Variants in NUP153 observed in about 807,000 individuals in gnomAD.
The protein encoded by NUP153 is nuclear pore complex protein Nup153.
A neutral mutation model predicts 134.6 loss-of-function variants in NUP153; 27 were observed. The observed-to-expected ratio is 0.20, with a 90% confidence interval of 0.15 to 0.28. The LOEUF (loss-of-function observed/expected upper bound fraction) is 0.28. Among genes scored for constraint, NUP153 ranks in the 10% least tolerant of loss-of-function variants. The pLI is 1.00. For synonymous variants in NUP153, 640 were observed against 623.5 expected, an observed-to-expected ratio of 1.03 and a Z score of -0.40; for missense variants, 1,821 against 1,731.3, an observed-to-expected ratio of 1.05 and a Z score of -0.92.
At chr6:17,705,789 GC>G (rs1335222946) in intron 1 of NUP153, among the ~76,000 whole-genome samples, 1 of 151,304 alleles carries the variant, frequency 6.6e-6, no homozygotes, top group Non-Finnish European at 1.5e-5. Context: ...ATGTAACAGC[GC>G]CCCCCACAAC....
intron 9 of NUP153, among the ~76,000 whole-genome samples, chr6:17,662,409 A>T (rs1033979597): frequency 1.3e-5 from 2 of 152,208 alleles, no homozygotes; most frequent in African/African-American, 4.8e-5. Flanking sequence ...TTCCTTTCGA[A>T]ATAGCTCCCT....
intron 20 of NUP153, among the ~76,000 whole-genome samples, 190 bp downstream of exon 20, chr6:17,624,370 TA>T (rs1412489006): frequency 8.5e-5 from 13 of 152,210 alleles, no homozygotes; most frequent in Non-Finnish European, 2.9e-5. Flanking sequence ...ATTACTACCT[TA>T]AAAAAGTTAC....
At chr6:17,622,357 T>C (rs577439670) in intron 20 of NUP153, among the ~76,000 whole-genome samples, 1 of 152,290 alleles carries the variant, frequency 6.6e-6, no homozygotes, top group East Asian at 1.9e-4. Flanking sequence ...CCCAGTTTCT[T>C]GGCAGGCTCA....
At position 17,674,925 on chromosome 6, in the gene NUP153, G is replaced by A. The variant is rs1561895150; in HGVS notation, c.832C>T (p.Leu278=). Residue 278 remains leucine, a synonymous_variant, in exon 5 of 22, where the codon CTA becomes TTA. Transcript: ENST00000262077. ...GAAAAVRQSK[L]RNTPYQAPVR... is the part of the protein sequence containing the mutation. ...CCTACCTGATAAGGTGTATTTCGTA[G>A]TTTAGACTGTCTTACAGCAGCTGCT... The A allele has an allele frequency of 6.2e-7, 1 of 1,612,268 alleles. No individual in the cohort carries two copies. Among genetic ancestry groups the A allele is most frequent in the Non-Finnish European group, 8.5e-7 (1 of 1,179,280 alleles).
intron 17 of NUP153, among the ~76,000 whole-genome samples, chr6:17,632,072 C>T: frequency 6.6e-6 from 1 of 152,128 alleles, no homozygotes; most frequent in East Asian, 1.9e-4. Flanking sequence ...TTTCCTGGGA[C>T]CTACTTTGGG....
intron 11 of NUP153, chr6:17,651,812 G>T: frequency 1.7e-6 from 1 of 577,894 alleles, no homozygotes; most frequent in Non-Finnish European, 3.3e-6. Context: ...CAAAAATTGA[G>T]GTTAGGCATG....
At chr6:17,665,646 C>T (rs1015051681) in intron 8 of NUP153, among the ~76,000 whole-genome samples, 1 of 151,988 alleles carries the variant, frequency 6.6e-6, no homozygotes, top group Non-Finnish European at 1.5e-5. Context: ...GACTTAATGA[C>T]TTTTCACACA....
chr6:17,662,251 TTATA>T (rs1767235773), intron 9 of NUP153, 181 bp from the exon 10 acceptor site: 1 of 158,226 alleles, frequency 6.3e-6, no homozygotes, highest in East Asian at 1.9e-4. Context: ...TACAGTGAGA[TTATA>T]TATATGAAAA....
intron 2 of NUP153, among the ~76,000 whole-genome samples, chr6:17,685,500 G>A (rs1291738291): frequency 1.4e-5 from 2 of 147,722 alleles, no homozygotes; most frequent in Non-Finnish European, 3.0e-5. Flanking sequence ...AATGAGCCGA[G>A]ATCGAGCCAC....
chr6:17,703,992 C>T (rs1396157163), intron 1 of NUP153, among the ~76,000 whole-genome samples: 2 of 152,148 alleles, frequency 1.3e-5, no homozygotes, highest in Non-Finnish European at 2.9e-5. Context: ...TATCTAAGTA[C>T]ATTTAAGCTG....
rs751113540 is a variant in NUP153, at chr6:17,629,372, T to C, written c.2827A>G (p.Ile943Val). The change falls in exon 18 of 22, where the codon ATA becomes GTA. Residue 943 changes from isoleucine to valine, a missense_variant. Physicochemically the swap from Ile to Val is conservative, Grantham distance 29 (BLOSUM62 3). Coordinates refer to ENST00000262077, the MANE Select transcript of NUP153 (RefSeq NM_005124.4). ...KIGVSSDSGS[I>V]NPMSEGFKFS... ...TTAAAGCCTTCACTCATGGGGTTTA[T>C]AGACCCAGAATCGGATGACACACCT... The C allele has an allele frequency of 8.7e-6, 14 of 1,613,590 alleles. No homozygotes were observed. The highest frequency in any genetic ancestry group is 1.3e-5 in the African/African-American group (1 of 74,908).
At chr6:17,691,462 T>C (rs1489584233) in intron 1 of NUP153, among the ~76,000 whole-genome samples, 1 of 152,154 alleles carries the variant, frequency 6.6e-6, no homozygotes, top group Non-Finnish European at 1.5e-5. Context: ...AAAGCTATAA[T>C]ACAGTTTAAG....
intron 15 of NUP153, among the ~76,000 whole-genome samples, 183 bp downstream of exon 15, chr6:17,639,756 T>C (rs531826883): frequency 6.6e-6 from 1 of 152,362 alleles, no homozygotes; most frequent in South Asian, 2.1e-4. Context: ...CATTTTAGTA[T>C]AGAGTCCTTT....
chr6:17,701,541 A>T (rs1307589829), intron 1 of NUP153, among the ~76,000 whole-genome samples: 1 of 151,522 alleles, frequency 6.6e-6, no homozygotes, highest in African/African-American at 2.4e-5. Flanking sequence ...ACGTGCCTGT[A>T]GTCCCAGCTA....
At position 17,675,349 on chromosome 6, in the gene NUP153, G is replaced by C; in HGVS notation, c.603C>G (p.Asn201Lys). The C allele has an allele frequency of 6.2e-7, 1 of 1,613,732 alleles. No homozygotes were observed. Among genetic ancestry groups the C allele is most frequent in the Non-Finnish European group, 8.5e-7 (1 of 1,179,884 alleles). The change falls in exon 4 of 22, where the codon AAC (asparagine) becomes AAG (lysine). Residue 201 changes from asparagine (N) to lysine (K), a missense_variant. Transcript: ENST00000262077. The surrounding 1 kb of genome is among the most constrained non-coding windows in gnomAD (Gnocchi z 4.4). The stretch of plus-strand genomic sequence containing the variant: ...GGGACCACAGAGGTGGCAATGAAGT[G>C]TTCTTTGAAACAGTTATATCTGAAA... ...ASDKDITVSK[N>K]TSLPPLWSPE...
Position 17,637,330 on chromosome 6 carries a change from C to T in NUP153, c.2287G>A (p.Val763Ile), listed in dbSNP as rs1201068924. The change falls in exon 16 of 22, where the codon GTT becomes ATT. Residue 763 changes from valine (V) to isoleucine (I), a missense_variant. By Grantham distance (29) the Val-to-Ile change is conservative. Coordinates refer to ENST00000262077, the MANE Select transcript of NUP153 (RefSeq NM_005124.4). Reference sequence around the variant, plus strand: ...GTCATAGTCTCAGCACTTTCCGAAACCACTGTCAATGTAAGGGCTCGCTTC... The same window carrying T: ...GTCATAGTCTCAGCACTTTCCGAAATCACTGTCAATGTAAGGGCTCGCTTC... ...CVKRALTLTV[V>I]SESAETMTAS... 6.2e-7 allele frequency: 1 copy of T among 1,614,072 alleles called. No individual in the cohort carries two copies. Among genetic ancestry groups the T allele is most frequent in the Non-Finnish European group, 8.5e-7 (1 of 1,180,058 alleles).
chr6:17,637,294 A>G lies in NUP153; in HGVS notation c.2323T>C (p.Ser775Pro). The G allele has an allele frequency of 6.2e-7, 1 of 1,614,230 alleles. No homozygotes were observed. Among genetic ancestry groups the G allele is most frequent in the Non-Finnish European group, 8.5e-7 (1 of 1,180,046 alleles). ...ESAETMTASSSSCTVTTGTLG... is the reference protein window; with the variant it reads ...ESAETMTASSPSCTVTTGTLG... Reference sequence around the variant, plus strand: ...GTACCAGTGGTTACAGTGCAGCTGGAAGATGAAGCAGTCATAGTCTCAGCA... The same window carrying G: ...GTACCAGTGGTTACAGTGCAGCTGGGAGATGAAGCAGTCATAGTCTCAGCA... The change falls in exon 16 of 22, where the codon TCC (serine) becomes CCC (proline). Residue 775 changes from serine (S) to proline (P), a missense_variant. By Grantham distance (74) the Ser-to-Pro change is moderately conservative. Coordinates refer to ENST00000262077, the MANE Select transcript of NUP153 (RefSeq NM_005124.4).
At position 17,638,205 on chromosome 6, in the gene NUP153, A is replaced by G. The variant is rs1265640333; in HGVS notation, c.1847-435T>C. 6.6e-6 allele frequency among the ~76,000 whole-genome samples: 1 copy of G among 152,158 alleles called. No homozygotes were observed. The highest frequency in any genetic ancestry group is 1.5e-5 in the Non-Finnish European group (1 of 68,018). ...TCAATGTCATCTTTGAATTTTGTCC[A>G]GTCATAACCTACTGCTGTGGTATTC... On this transcript the variant is annotated intron_variant, in intron 15 of 21. Coordinates refer to ENST00000262077, the MANE Select transcript of NUP153 (RefSeq NM_005124.4). This position sits in a 1 kb window ranked among gnomAD's most constrained non-coding sequence, Gnocchi z 4.0.
chr6:17,622,655 C>A (rs1185900034), intron 20 of NUP153, among the ~76,000 whole-genome samples: 1 of 151,456 alleles, frequency 6.6e-6, no homozygotes, highest in Admixed American at 6.6e-5. Flanking sequence ...TTGACTTTTT[C>A]TTTGTATTTA....
Sources: gnomAD v4.1 joint callset for allele counts (sites outside exome capture counted in the v4.1 genomes callset) on GRCh38, gnomAD v4.1.1 for gene constraint, Gnocchi (gnomAD v3.1) non-coding constraint, MANE v1.5 for transcripts, NCBI Gene and HGNC (gene_info 2026-07-23, HGNC 2026-07-21) for gene names.